ATXN7L1: variants seen among roughly 807,000 people sequenced by gnomAD.
ATXN7L1 encodes the protein ataxin-7-like protein 1.
A neutral mutation model predicts 70.8 loss-of-function variants in ATXN7L1; 15 were observed. The observed-to-expected ratio is 0.21, with a 90% CI of 0.14 to 0.33. The LOEUF (loss-of-function observed/expected upper bound fraction) is 0.33, where lower values mean the gene tolerates loss of function less well. ATXN7L1 is among the 10% of genes least tolerant of loss of function. The pLI is 1.00. For synonymous variants in ATXN7L1, 440 were observed against 445.1 expected (o/e 0.99, Z 0.14); for missense variants, 975 against 1,097.1 (o/e 0.89, Z 1.57).
At position 105,614,429 on chromosome 7, in the gene ATXN7L1, A is replaced by T; in HGVS notation, c.1905T>A (p.Arg635=). 1 of 1,549,898 alleles carries T rather than the reference A, an allele frequency of 6.5e-7. No individual in the cohort carries two copies. The highest frequency in any genetic ancestry group is 8.7e-7 in the Non-Finnish European group (1 of 1,145,828). ...TTTTGTTACTTGGAGACTCGTCGCT[A>T]CGGGTGGACAGGTCTTTGACTTTTG... is the stretch of plus-strand genomic sequence containing the variant. The part of the protein sequence containing the change: ...KSSKVKDLST[R]SDESPSNKKR... Residue 635 remains arginine (R), a synonymous_variant, in exon 10 of 12, where the codon CGT becomes CGA. Coordinates refer to ENST00000419735, the MANE Select transcript of ATXN7L1 (RefSeq NM_020725.2). This position sits in a 1 kb window ranked among gnomAD's most constrained non-coding sequence, Gnocchi z 4.3.
At chr7:105,790,421 A>G (rs1804967207) in intron 2 of ATXN7L1, among the ~76,000 whole-genome samples, 1 of 151,938 alleles carries the variant, frequency 6.6e-6, no homozygotes. Flanking sequence ...TCTACGAAAA[A>G]TGTACAAAAA....
At chr7:105,782,329 C>T (rs368474176) in intron 3 of ATXN7L1, among the ~76,000 whole-genome samples, 2 of 152,168 alleles carry the variant, frequency 1.3e-5, no homozygotes, top group East Asian at 3.8e-4. Context: ...CCTAAATAAG[C>T]TTATCCATTC....
chr7:105,744,415 G>C (rs1199239718), intron 3 of ATXN7L1, among the ~76,000 whole-genome samples: 1 of 90,746 alleles, frequency 1.1e-5, no homozygotes, highest in Non-Finnish European at 1.9e-5. Flanking sequence ...GCCCACACCA[G>C]GGGAATATTC....
At chr7:105,835,968 A>T (rs1277133607) in intron 2 of ATXN7L1, among the ~76,000 whole-genome samples, 1 of 152,170 alleles carries the variant, frequency 6.6e-6, no homozygotes, top group Admixed American at 6.5e-5. Context: ...CAGCTAAGGG[A>T]TAAAATGTGA....
At chr7:105,793,191 G>C (rs1394868224) in intron 2 of ATXN7L1, among the ~76,000 whole-genome samples, 1 of 152,204 alleles carries the variant, frequency 6.6e-6, no homozygotes, top group Non-Finnish European at 1.5e-5. Flanking sequence ...CTGTCCTGAG[G>C]CTCTGAAGGG....
At chr7:105,654,443 CA>C (rs912432269) in intron 4 of ATXN7L1, among the ~76,000 whole-genome samples, 1 of 152,232 alleles carries the variant, frequency 6.6e-6, no homozygotes, top group African/African-American at 2.4e-5. Context: ...GGTCATTCCA[CA>C]AAATGAAGGG....
chr7:105,727,757 T>TAC (rs1366307186), intron 3 of ATXN7L1, among the ~76,000 whole-genome samples: 1 of 86,876 alleles, frequency 1.2e-5, no homozygotes, highest in African/African-American at 4.7e-5. Flanking sequence ...TATATATATA[T>TAC]ATATATATAT....
At chr7:105,623,184 T>C (rs761752851) in intron 8 of ATXN7L1, among the ~76,000 whole-genome samples, 3 of 152,096 alleles carry the variant, frequency 2.0e-5, no homozygotes, top group Non-Finnish European at 4.4e-5. Flanking sequence ...GTTCATGACA[T>C]GGATAGGAGG....
intron 3 of ATXN7L1, among the ~76,000 whole-genome samples, chr7:105,686,704 G>C (rs1806223199): frequency 6.6e-6 from 1 of 152,092 alleles, no homozygotes; most frequent in South Asian, 2.1e-4. Flanking sequence ...ATATCATATT[G>C]AAAATGAAAA....
intron 3 of ATXN7L1, among the ~76,000 whole-genome samples, chr7:105,749,235 T>C (rs1798915803): frequency 1.3e-5 from 2 of 151,880 alleles, no homozygotes. Context: ...GAATTTTCTC[T>C]GGATAGCCCT....
At chr7:105,740,922 G>A (rs538123852) in intron 3 of ATXN7L1, among the ~76,000 whole-genome samples, 26 of 151,970 alleles carry the variant, frequency 1.7e-4, no homozygotes, top group East Asian at 9.7e-4. Flanking sequence ...CCGCCACCAC[G>A]CCTGGCTAAT....
chr7:105,641,701 C>T (rs953590171), intron 5 of ATXN7L1, among the ~76,000 whole-genome samples: 26 of 152,246 alleles, frequency 1.7e-4, no homozygotes, highest in Non-Finnish European at 2.1e-4. Context: ...GTGCTGGGGG[C>T]TCCCGCCCGA....
At chr7:105,777,373 T>C (rs1270685999) in intron 3 of ATXN7L1, among the ~76,000 whole-genome samples, 1 of 152,232 alleles carries the variant, frequency 6.6e-6, no homozygotes, top group Non-Finnish European at 1.5e-5. Flanking sequence ...TTGGCTATTG[T>C]CAAGGCCAAC....
intron 3 of ATXN7L1, among the ~76,000 whole-genome samples, chr7:105,690,294 C>T (rs370825970): frequency 9.2e-5 from 14 of 152,210 alleles, no homozygotes; most frequent in South Asian, 2.1e-4. Flanking sequence ...CATGAGCCAC[C>T]GCGCCCAGCA....
chr7:105,623,195 G>C (rs1165682403), intron 8 of ATXN7L1, among the ~76,000 whole-genome samples: 1 of 152,210 alleles, frequency 6.6e-6, no homozygotes, highest in Non-Finnish European at 1.5e-5. Context: ...GGATAGGAGG[G>C]AAGAGGGATT....
intron 3 of ATXN7L1, among the ~76,000 whole-genome samples, chr7:105,742,715 G>A (rs948751922): frequency 1.3e-5 from 2 of 152,094 alleles, no homozygotes; most frequent in East Asian, 1.9e-4. Context: ...CATTTTACAC[G>A]CACAACCATT....
chr7:105,655,871 C>T lies in ATXN7L1; in HGVS notation c.578+9195G>A, dbSNP rs983565791. On this transcript the variant is annotated intron_variant, in intron 4 of 11. Transcript: ENST00000419735. ...TACCTGGGGAGAGGGAGCCCTCCCC[C>T]ACCTGCTGCAGGGCATGCACAGGGA... Among the ~76,000 whole-genome samples, 12 of 152,176 alleles carry T rather than the reference C, an allele frequency of 7.9e-5. No homozygotes were observed. The South Asian group carries it at 2.1e-3, about 26-fold the overall frequency.
intron 3 of ATXN7L1, among the ~76,000 whole-genome samples, chr7:105,782,700 C>T (rs927274934): frequency 1.3e-5 from 2 of 152,208 alleles, no homozygotes; most frequent in Non-Finnish European, 2.9e-5. Flanking sequence ...TGGAGCTTCA[C>T]GGCATTTCTA....
At chr7:105,714,090 A>C (rs1271062680) in intron 3 of ATXN7L1, among the ~76,000 whole-genome samples, 2 of 152,174 alleles carry the variant, frequency 1.3e-5, no homozygotes, top group Non-Finnish European at 2.9e-5. Context: ...AATCTCCACA[A>C]CTCTATATAG....
Sources: allele counts gnomAD v4.1 joint callset (sites outside exome capture counted in the v4.1 genomes callset), GRCh38; gene constraint gnomAD v4.1.1; non-coding constraint Gnocchi (gnomAD v3.1); transcripts MANE v1.5; gene names NCBI Gene and HGNC (gene_info 2026-07-23, HGNC 2026-07-21).